The following TMEM132B variants were observed in gnomAD, a reference collection of about 807,000 sequenced individuals.
TMEM132B encodes transmembrane protein 132B.
Under a neutral mutation model 90.8 loss-of-function variants are expected in TMEM132B, and 18 were observed. The ratio of observed to expected loss-of-function variants is 0.20; its 90% CI spans 0.14 to 0.29. The LOEUF (loss-of-function observed/expected upper bound fraction) is 0.29, where lower values mean the gene tolerates loss of function less well. Ranked by LOEUF, TMEM132B falls within the 10% of genes least tolerant of loss-of-function variation. The probability of loss-of-function intolerance (pLI) is 1.00; values close to 1 mark genes in which losing one functional copy is unlikely to be tolerated. For synonymous variants in TMEM132B, 504 were observed against 523.3 expected, an observed-to-expected ratio of 0.96 and a Z score of 0.50; for missense variants, 1,096 against 1,326.8, an observed-to-expected ratio of 0.83 and a Z score of 2.70.
intron 1 of TMEM132B, among the ~76,000 whole-genome samples, chr12:125,285,001 G>T (rs1248763894): frequency 2.6e-5 from 4 of 152,158 alleles, no homozygotes; most frequent in African/African-American, 9.7e-5. Flanking sequence ...ATCCTGGCCT[G>T]CATGGAGCTG....
intron 5 of TMEM132B, among the ~76,000 whole-genome samples, chr12:125,621,311 G>A (rs960481522): frequency 6.6e-6 from 1 of 152,066 alleles, no homozygotes; most frequent in Non-Finnish European, 1.5e-5. Flanking sequence ...AGAATGATGA[G>A]GGCATTTCAG....
chr12:125,278,700 A>G (rs1034331895), intron 1 of TMEM132B, among the ~76,000 whole-genome samples: 6 of 152,132 alleles, frequency 3.9e-5, no homozygotes, highest in South Asian at 2.1e-4. Flanking sequence ...TCAAATGTTC[A>G]TGTTTGGTTT....
Position 125,584,179 on chromosome 12 carries a change from A to T in TMEM132B, c.1437+185A>T, listed in dbSNP as rs1885123641. ...CCTGGAATCAGCAGGCGGCTGCAGC[A>T]GGTGATGCTGCTTCCCTCTCCCTGG... On this transcript the variant is annotated intron_variant, in intron 5 of 8. Coordinates refer to ENST00000682704, the MANE Select transcript of TMEM132B (RefSeq NM_001366854.1). The T allele has an allele frequency of 4.0e-6, 3 of 750,628 alleles. No homozygotes were observed. In the East Asian group the frequency reaches 7.8e-5, roughly 20 times the overall value. The allele number at this position is 750,628 out of a possible 1,614,324, so 46.5% of individuals were successfully genotyped here.
intron 3 of TMEM132B, among the ~76,000 whole-genome samples, chr12:125,457,702 G>A (rs1390606819): frequency 6.6e-6 from 1 of 152,172 alleles, no homozygotes; most frequent in Non-Finnish European, 1.5e-5. Context: ...GGGAAGGGCT[G>A]GAAGGAGAGC....
intron 4 of TMEM132B, among the ~76,000 whole-genome samples, chr12:125,548,479 C>A (rs557059936): frequency 6.6e-5 from 10 of 152,252 alleles, no homozygotes; most frequent in South Asian, 4.1e-4. Context: ...GAAAAACATA[C>A]CCTATGAGAA....
At chr12:125,596,261 G>A (rs1885437677) in intron 5 of TMEM132B, among the ~76,000 whole-genome samples, 1 of 152,184 alleles carries the variant, frequency 6.6e-6, no homozygotes, top group East Asian at 1.9e-4. Context: ...TAAAGATTCT[G>A]TCTCAGCTGA....
chr12:125,380,165 C>T (rs1331506088), intron 2 of TMEM132B, among the ~76,000 whole-genome samples: 2 of 152,094 alleles, frequency 1.3e-5, no homozygotes, highest in Admixed American at 6.6e-5. Flanking sequence ...AGGGTAGGTT[C>T]CTTCTTCTGA....
At chr12:125,517,326 GATTTTTTT>G (rs1308194297) in intron 3 of TMEM132B, among the ~76,000 whole-genome samples, 1,006 of 87,882 alleles carry the variant, frequency 0.011, 167 homozygotes, top group Admixed American at 0.049. Flanking sequence ...ATGCCCTGCT[GATTTTTTT>G]TTTTTTTTTT....
At chr12:125,520,297 C>T (rs1883275653) in intron 4 of TMEM132B, among the ~76,000 whole-genome samples, 3 of 152,176 alleles carry the variant, frequency 2.0e-5, no homozygotes, top group Non-Finnish European at 2.9e-5. Context: ...TGGGTACTAC[C>T]TGCTTAATAC....
At chr12:125,222,885 A>C (rs1360660008) in intron 1 of TMEM132B, among the ~76,000 whole-genome samples, 5 of 152,234 alleles carry the variant, frequency 3.3e-5, no homozygotes, top group Non-Finnish European at 7.3e-5. Context: ...CTAGGGTAAA[A>C]TATTGATTGT....
At chr12:125,344,593 C>T (rs1877297600) in intron 1 of TMEM132B, among the ~76,000 whole-genome samples, 1 of 152,128 alleles carries the variant, frequency 6.6e-6, no homozygotes, top group African/African-American at 2.4e-5. Flanking sequence ...GTGAAATACC[C>T]TGGGTTCTCC....
At chr12:125,356,870 C>T (rs768443471) in intron 2 of TMEM132B, among the ~76,000 whole-genome samples, 4 of 152,252 alleles carry the variant, frequency 2.6e-5, no homozygotes, top group Non-Finnish European at 5.9e-5. Flanking sequence ...CTTAATCCTG[C>T]ACCCCCTGCC....
At chr12:125,219,189 T>C (rs1004026293) in intron 1 of TMEM132B, among the ~76,000 whole-genome samples, 2 of 152,162 alleles carry the variant, frequency 1.3e-5, no homozygotes, top group African/African-American at 4.8e-5. Context: ...GCGAGGTTTC[T>C]GGTGGCATCT....
intron 3 of TMEM132B, among the ~76,000 whole-genome samples, chr12:125,479,403 A>G (rs2136522434): frequency 6.6e-6 from 1 of 152,320 alleles, no homozygotes; most frequent in Admixed American, 6.5e-5. Flanking sequence ...CTCAAAATAA[A>G]GGGATGGAGG....
At chr12:125,558,218 A>G (rs762066815) in intron 4 of TMEM132B, among the ~76,000 whole-genome samples, 3 of 151,944 alleles carry the variant, frequency 2.0e-5, no homozygotes, top group Non-Finnish European at 4.4e-5. Context: ...GACTTGGGGG[A>G]TTGTCTTTGA....
intron 2 of TMEM132B, among the ~76,000 whole-genome samples, chr12:125,369,318 G>A (rs1005504127): frequency 6.6e-6 from 1 of 152,172 alleles, no homozygotes; most frequent in Non-Finnish European, 1.5e-5. Flanking sequence ...TGTGAATAGT[G>A]CTGCAGTAAA....
intron 5 of TMEM132B, among the ~76,000 whole-genome samples, chr12:125,624,509 C>G (rs920608622): frequency 6.6e-6 from 1 of 152,176 alleles, no homozygotes; most frequent in Non-Finnish European, 1.5e-5. Flanking sequence ...CAGGGTAGGT[C>G]TTAGCGTGAG....
chr12:125,212,648 T>G (rs1873346960), intron 1 of TMEM132B, among the ~76,000 whole-genome samples: 1 of 152,024 alleles, frequency 6.6e-6, no homozygotes, highest in African/African-American at 2.4e-5. Context: ...GAGCCGAGAT[T>G]GAGCCATTGC....
chr12:125,344,794 T>C (rs1158860216), intron 1 of TMEM132B, among the ~76,000 whole-genome samples: 2 of 152,022 alleles, frequency 1.3e-5, no homozygotes, highest in African/African-American at 4.8e-5. Context: ...ATGTGGGTGA[T>C]GAGCTTCCCC....
Sources: gnomAD v4.1 joint callset for allele counts (sites outside exome capture counted in the v4.1 genomes callset) on GRCh38, gnomAD v4.1.1 for gene constraint, MANE v1.5 for transcripts, NCBI Gene and HGNC (gene_info 2026-07-23, HGNC 2026-07-21) for gene names.